Variants in BCAS4 observed in about 807,000 individuals in gnomAD.
BCAS4 encodes the protein breast carcinoma-amplified sequence 4.
In BCAS4, 9 loss-of-function variants were observed where a neutral mutation model predicts 15.7. The observed-to-expected ratio is 0.57, with a 90% CI of 0.34 to 1.00. The LOEUF is 1.00. Among genes scored for constraint, BCAS4 ranks in the 50% least tolerant of loss-of-function variants. BCAS4 has a pLI of 0.02. For synonymous variants in BCAS4, 101 were observed against 99.5 expected, an observed-to-expected ratio of 1.02 and a Z score of -0.09; for missense variants, 225 against 239.1, an observed-to-expected ratio of 0.94 and a Z score of 0.39.
intron 1 of BCAS4, among the ~76,000 whole-genome samples, chr20:50,814,811 A>G (rs1483941837): frequency 6.6e-6 from 1 of 152,190 alleles, no homozygotes; most frequent in East Asian, 1.9e-4. Context: ...TTTTTATTCT[A>G]TGGCGAAAGA....
At chr20:50,856,375 G>T (rs1258124983) in intron 4 of BCAS4, among the ~76,000 whole-genome samples, 1 of 152,208 alleles carries the variant, frequency 6.6e-6, no homozygotes, top group African/African-American at 2.4e-5. Flanking sequence ...TTGTCATGCT[G>T]CCAGGCCCAA....
Position 50,861,292 on chromosome 20 carries a change from C to T in BCAS4, c.400-15194C>T, listed in dbSNP as rs73280671. Among the ~76,000 whole-genome samples the T allele has an allele frequency of 1.8e-3, 281 of 152,274 alleles. 1 individual carries two copies. Among genetic ancestry groups the T allele is most frequent in the African/African-American group, 6.5e-3 (272 of 41,564 alleles). On this transcript the variant is annotated intron_variant, in intron 4 of 4. Transcript: ENST00000371608. ...GTGAGGGGCTGACCAGCTGCAGCATCGGTGTGGGCATGGACTAGGAAGCAG... is the reference window on the plus strand; with the variant it reads ...GTGAGGGGCTGACCAGCTGCAGCATTGGTGTGGGCATGGACTAGGAAGCAG...
At chr20:50,818,747 G>GA (rs1378378041) in intron 2 of BCAS4, among the ~76,000 whole-genome samples, 2 of 152,226 alleles carry the variant, frequency 1.3e-5, no homozygotes, top group African/African-American at 4.8e-5. Flanking sequence ...GTTGGGCATC[G>GA]AGTTCCTTCC....
At chr20:50,794,942 C>G (rs1287105992), upstream of BCAS4, 28 of 1,165,764 alleles carry the variant, frequency 2.4e-5, no homozygotes, top group African/African-American at 4.8e-5. Flanking sequence ...AGCTGCGAGC[C>G]GCGACCGCCG....
At chr20:50,813,040 A>T (rs1386465602) in intron 1 of BCAS4, among the ~76,000 whole-genome samples, 1 of 151,668 alleles carries the variant, frequency 6.6e-6, no homozygotes, top group East Asian at 1.9e-4. Context: ...GATGGCCTTG[A>T]ACTCCTGGGC....
chr20:50,876,043 C>CGGGTTCA (rs1313468551), intron 4 of BCAS4: 2 of 455,814 alleles, frequency 4.4e-6, no homozygotes, highest in African/African-American at 4.0e-5. Context: ...CTCCGCCTCC[C>CGGGTTCA]GGGTTCAAGT....
chr20:50,805,612 T>C (rs1429017398), intron 1 of BCAS4, among the ~76,000 whole-genome samples: 3 of 152,152 alleles, frequency 2.0e-5, no homozygotes, highest in African/African-American at 4.8e-5. Context: ...ACCTGGAGGC[T>C]GAACATCAGC....
At chr20:50,875,641 C>T (rs540157032) in intron 4 of BCAS4, among the ~76,000 whole-genome samples, 6 of 150,358 alleles carry the variant, frequency 4.0e-5, no homozygotes, top group East Asian at 3.9e-4. Flanking sequence ...ATTAGCCGGG[C>T]GTGGTGGTGC....
At chr20:50,812,877 G>A (rs150524074) in intron 1 of BCAS4, among the ~76,000 whole-genome samples, 20 of 152,122 alleles carry the variant, frequency 1.3e-4, no homozygotes, top group Non-Finnish European at 2.2e-4. Context: ...GTGCAGTGGC[G>A]CCATGATGGC....
intron 4 of BCAS4, among the ~76,000 whole-genome samples, chr20:50,844,724 C>A (rs946048600): frequency 5.3e-5 from 8 of 150,808 alleles, no homozygotes; most frequent in African/African-American, 1.5e-4. Context: ...GTCCCCCCAG[C>A]ACTCCTGCTG....
intron 4 of BCAS4, among the ~76,000 whole-genome samples, chr20:50,852,292 G>A (rs1455928212): frequency 6.6e-6 from 1 of 152,214 alleles, no homozygotes; most frequent in Non-Finnish European, 1.5e-5. Context: ...GCTGTGACTG[G>A]CAGGGGAGGC....
intron 2 of BCAS4, among the ~76,000 whole-genome samples, chr20:50,821,622 C>T (rs1034932602): frequency 1.3e-5 from 2 of 152,098 alleles, no homozygotes; most frequent in Admixed American, 6.5e-5. Flanking sequence ...GACCACTGTC[C>T]CCCCAGGTCC....
At chr20:50,858,063 C>T (rs1978859652) in intron 4 of BCAS4, among the ~76,000 whole-genome samples, 1 of 152,136 alleles carries the variant, frequency 6.6e-6, no homozygotes, top group Non-Finnish European at 1.5e-5. Flanking sequence ...CAACTCCAGC[C>T]CCTGGGCCAG....
chr20:50,821,501 TG>T (rs1347033271), intron 2 of BCAS4, among the ~76,000 whole-genome samples: 2 of 152,142 alleles, frequency 1.3e-5, no homozygotes, highest in Non-Finnish European at 2.9e-5. Context: ...CAGAGAGAGG[TG>T]TCCGGTGATC....
At chr20:50,802,774 T>C (rs1275988187) in intron 1 of BCAS4, among the ~76,000 whole-genome samples, 3 of 152,146 alleles carry the variant, frequency 2.0e-5, no homozygotes, top group Non-Finnish European at 4.4e-5. Flanking sequence ...CTTGGGAGGC[T>C]GAGGCAGGAG....
At chr20:50,795,555 C>G (rs1305351040) in intron 1 of BCAS4, among the ~76,000 whole-genome samples, 1 of 152,148 alleles carries the variant, frequency 6.6e-6, no homozygotes, top group Non-Finnish European at 1.5e-5. Context: ...GCTGTGCGGG[C>G]CGCGCTGCGC....
intron 4 of BCAS4, among the ~76,000 whole-genome samples, chr20:50,874,607 A>G (rs1257106409): frequency 6.6e-6 from 1 of 152,180 alleles, no homozygotes; most frequent in Non-Finnish European, 1.5e-5. Context: ...AGTGCACAGG[A>G]CAGGGCTGGC....
At chr20:50,835,065 A>G (rs2088390927) in intron 3 of BCAS4, among the ~76,000 whole-genome samples, 1 of 152,186 alleles carries the variant, frequency 6.6e-6, no homozygotes, top group African/African-American at 2.4e-5. Context: ...TTTTGGGTAG[A>G]TACCTAGGAG....
chr20:50,864,303 C>G (rs1979242411), intron 4 of BCAS4, among the ~76,000 whole-genome samples: 1 of 152,142 alleles, frequency 6.6e-6, no homozygotes, highest in Non-Finnish European at 1.5e-5. Context: ...GAGTGAGTTC[C>G]TAAACCCCAC....
Sources: gnomAD v4.1 joint callset for allele counts (sites outside exome capture counted in the v4.1 genomes callset) on GRCh38, gnomAD v4.1.1 for gene constraint, MANE v1.5 for transcripts, NCBI Gene and HGNC (gene_info 2026-07-23, HGNC 2026-07-21) for gene names.